The following SESTD1 variants were observed in gnomAD, a reference collection of about 807,000 sequenced individuals.
SESTD1 encodes the protein SEC14 domain and spectrin repeat-containing protein 1.
SESTD1 carries 43 observed loss-of-function variants against 101.7 expected under a neutral mutation model. The ratio of observed to expected loss-of-function variants is 0.42; its 90% CI spans 0.33 to 0.55. The LOEUF is 0.55. SESTD1 is among the 20% of genes least tolerant of loss of function. SESTD1 has a pLI of 0.07. For missense variants in SESTD1, 647 were observed against 815.1 expected (o/e 0.79, Z 2.51); for synonymous variants, 283 against 286.8 (o/e 0.99, Z 0.13).
At chr2:179,207,021 C>T (rs1287276783) in intron 1 of SESTD1, among the ~76,000 whole-genome samples, 2 of 133,430 alleles carry the variant, frequency 1.5e-5, no homozygotes, top group African/African-American at 6.0e-5. Flanking sequence ...GAACCACCCA[C>T]CATCCCCCAA....
chr2:179,200,874 T>C (rs1176912368), intron 1 of SESTD1, among the ~76,000 whole-genome samples: 1 of 134,444 alleles, frequency 7.4e-6, no homozygotes, highest in Non-Finnish European at 1.6e-5. Flanking sequence ...AAGGACTTCA[T>C]GTCTAAAACA....
intron 5 of SESTD1, among the ~76,000 whole-genome samples, chr2:179,170,343 C>T (rs1283896987): frequency 6.6e-6 from 1 of 151,952 alleles, no homozygotes; most frequent in East Asian, 1.9e-4. Context: ...TAAATGACTT[C>T]TATACAAAAT....
rs1022964108 is a variant in SESTD1, at chr2:179,108,982, T to C, written c.*917A>G. On this transcript the variant is annotated 3_prime_UTR_variant, in exon 18 of 18. Coordinates refer to ENST00000428443, the MANE Select transcript of SESTD1 (RefSeq NM_178123.5). Reference sequence around the variant, plus strand: ...CACTGAAGTAATTATGTATGCCTTCTTCCTCAGCCCTCCTCCCCTAAAGAC... The same window carrying C: ...CACTGAAGTAATTATGTATGCCTTCCTCCTCAGCCCTCCTCCCCTAAAGAC... 2 of 152,210 alleles carry C rather than the reference T, an allele frequency of 1.3e-5. No individual in the cohort carries two copies. The highest frequency in any genetic ancestry group is 4.8e-5 in the African/African-American group (2 of 41,446). 9.4% of individuals were successfully genotyped at this position (152,210 alleles called of 1,614,324 possible).
chr2:179,194,110 A>C (rs1381610972), intron 1 of SESTD1, among the ~76,000 whole-genome samples: 3 of 152,084 alleles, frequency 2.0e-5, no homozygotes, highest in African/African-American at 7.2e-5. Context: ...AACTAGCTGG[A>C]TGGGTTGAGG....
intron 5 of SESTD1, among the ~76,000 whole-genome samples, chr2:179,167,314 G>GA (rs2045852337): frequency 6.6e-6 from 1 of 151,994 alleles, no homozygotes; most frequent in Non-Finnish European, 1.5e-5. Flanking sequence ...TGGATCAAGA[G>GA]AAAATACCTA....
rs139115285 is a variant in SESTD1 at position 179,204,349 on chromosome 2, T to C, written c.-25-12483A>G. ...ACCAGACATTATAACCCACACCCTA[T>C]AGCTTAACAATGTAGAGCCAATCAC... On this transcript the variant is annotated intron_variant, in intron 1 of 17. Coordinates refer to ENST00000428443, the MANE Select transcript of SESTD1 (RefSeq NM_178123.5). Among the ~76,000 whole-genome samples, 188 of 134,102 alleles carry C rather than the reference T, an allele frequency of 1.4e-3. 40 individuals carry two copies. The highest frequency in any genetic ancestry group is 2.2e-3 in the Non-Finnish European group (139 of 62,598). 88.0% of individuals were successfully genotyped at this position (134,102 alleles called of 152,430 possible).
At chr2:179,131,367 T>G (rs1263191919) in intron 10 of SESTD1, among the ~76,000 whole-genome samples, 1 of 152,198 alleles carries the variant, frequency 6.6e-6, no homozygotes, top group Non-Finnish European at 1.5e-5. Flanking sequence ...CTTGTTTAGT[T>G]AAAAATGGAC....
chr2:179,120,822 G>T (rs1322940655), intron 13 of SESTD1, among the ~76,000 whole-genome samples: 1 of 152,158 alleles, frequency 6.6e-6, no homozygotes, highest in Non-Finnish European at 1.5e-5. Context: ...GTGAGGAAGA[G>T]TTCTAATGCT....
intron 3 of SESTD1, among the ~76,000 whole-genome samples, chr2:179,182,407 C>G (rs1328847178): frequency 6.6e-6 from 1 of 152,096 alleles, no homozygotes; most frequent in Non-Finnish European, 1.5e-5. Context: ...ACAATTGGAT[C>G]AGAATCTCTG....
At chr2:179,231,531 T>A (rs1395713138) in intron 1 of SESTD1, among the ~76,000 whole-genome samples, 1 of 150,818 alleles carries the variant, frequency 6.6e-6, no homozygotes, top group African/African-American at 2.4e-5. Flanking sequence ...AAAAGAAATT[T>A]AAAGATGAAA....
At chr2:179,116,862 CAG>C (rs1559097052) in intron 14 of SESTD1, 72 bp from the exon 15 acceptor site, 3 of 1,549,592 alleles carry the variant, frequency 1.9e-6, no homozygotes, top group African/African-American at 2.7e-5. Flanking sequence ...GTCATTTATA[CAG>C]AGATTACTAT....
rs551775364 is a variant in SESTD1 at position 179,107,847 on chromosome 2, G to C, written c.*2052C>G. 1.3e-5 allele frequency: 2 copies of C among 151,408 alleles called. No individual in the cohort carries two copies. The highest frequency in any genetic ancestry group is 2.1e-4 in the South Asian group (1 of 4,824). 9.4% of individuals were successfully genotyped at this position (151,408 alleles called of 1,614,324 possible). ...TAGAATGTGATAGCACCATCATGAA[G>C]ACTGAAATAAATAATCACAAAAGTT... On this transcript the variant is annotated 3_prime_UTR_variant, in exon 18 of 18. Transcript: ENST00000428443.
At chr2:179,187,526 C>G (rs12328593) in intron 2 of SESTD1, among the ~76,000 whole-genome samples, 11 of 152,194 alleles carry the variant, frequency 7.2e-5, no homozygotes, top group Non-Finnish European at 1.5e-4. Context: ...CCCAGCTAGT[C>G]GAAAGGCTGA....
intron 1 of SESTD1, among the ~76,000 whole-genome samples, chr2:179,239,601 C>A (rs2047120100): frequency 6.6e-6 from 1 of 152,150 alleles, no homozygotes; most frequent in South Asian, 2.1e-4. Context: ...GAATGACAAT[C>A]TCTGGGTTTA....
At chr2:179,255,928 T>C (rs1408433996) in intron 1 of SESTD1, among the ~76,000 whole-genome samples, 2 of 151,992 alleles carry the variant, frequency 1.3e-5, no homozygotes, top group African/African-American at 2.4e-5. Flanking sequence ...CTGTTCTCTA[T>C]AAATGGAATA....
In SESTD1 at chr2:179,120,281, G is replaced by C. The variant is rs1171259991; in HGVS notation, c.1442+1489C>G. On this transcript the variant is annotated intron_variant, in intron 13 of 17. Transcript: ENST00000428443. The stretch of plus-strand genomic sequence containing the variant: ...ACCCAGTCTCAGGTAGTTTTTTATA[G>C]CAATGCAAGAATGGACTAATACACT... Among the ~76,000 whole-genome samples, 5 of 152,006 alleles carry C rather than the reference G, an allele frequency of 3.3e-5. No individual in the cohort carries two copies. In the East Asian group the frequency reaches 9.7e-4, roughly 29 times the overall value.
chr2:179,138,000 G>A (rs559611624), intron 9 of SESTD1, among the ~76,000 whole-genome samples: 14 of 151,992 alleles, frequency 9.2e-5, no homozygotes, highest in Admixed American at 3.9e-4. Context: ...AATCATTTTC[G>A]CAAGGGATAT....
rs555726894 is a variant in SESTD1 at position 179,204,280 on chromosome 2, T to C, written c.-25-12414A>G. Among the ~76,000 whole-genome samples the C allele has an allele frequency of 6.7e-5, 9 of 134,768 alleles. 2 individuals carry two copies. Among genetic ancestry groups the C allele is most frequent in the African/African-American group, 2.3e-4 (8 of 34,080 alleles). 88.4% of individuals were successfully genotyped at this position (134,768 alleles called of 152,430 possible). ...CTGTGTATTCATCTTCTGAAATTGC[T>C]TGCTATTGCCATAAGTAGCTAAAAA... On this transcript the variant is annotated intron_variant, in intron 1 of 17. Transcript: ENST00000428443.
chr2:179,118,067 C>T (rs1473421693), intron 13 of SESTD1, among the ~76,000 whole-genome samples: 6 of 151,832 alleles, frequency 4.0e-5, no homozygotes, highest in African/African-American at 4.8e-5. Flanking sequence ...AACTCCTGGG[C>T]TTAAATGATC....
Sources: gnomAD v4.1 joint callset for allele counts (sites outside exome capture counted in the v4.1 genomes callset) on GRCh38, gnomAD v4.1.1 for gene constraint, MANE v1.5 for transcripts, NCBI Gene and HGNC (gene_info 2026-07-23, HGNC 2026-07-21) for gene names.